The following MCM3 variants were observed in gnomAD, a reference collection of about 807,000 sequenced individuals.
MCM3 encodes minichromosome maintenance complex component 3, also known as DNA replication licensing factor MCM3.
In MCM3, 59 loss-of-function variants were observed where a neutral mutation model predicts 91.3. The ratio of observed to expected loss-of-function variants is 0.65; its 90% CI spans 0.52 to 0.80. MCM3 has a LOEUF of 0.80. MCM3 is among the 30% of genes least tolerant of loss of function. The pLI, the probability that MCM3 is intolerant of heterozygous loss-of-function variation, is 0.00. For missense variants in MCM3, 919 were observed against 1,035.4 expected (o/e 0.89, Z 1.54); for synonymous variants, 383 against 379.6 (o/e 1.01, Z -0.10).
At chr6:52,269,564 T>C (rs956287019) in intron 12 of MCM3, among the ~76,000 whole-genome samples, 1 of 152,230 alleles carries the variant, frequency 6.6e-6, no homozygotes, top group Non-Finnish European at 1.5e-5. Flanking sequence ...AGTTTGCCTT[T>C]ATATACATTC....
At chr6:52,276,820 G>C (rs909638345) in intron 8 of MCM3, among the ~76,000 whole-genome samples, 1 of 152,150 alleles carries the variant, frequency 6.6e-6, no homozygotes, top group Non-Finnish European at 1.5e-5. Context: ...TCATAAAATA[G>C]TACAATCTTC....
intron 3 of MCM3, 58 bp downstream of exon 3, chr6:52,282,595 T>C (rs1227599256): frequency 1.3e-6 from 2 of 1,549,998 alleles, no homozygotes; most frequent in African/African-American, 2.7e-5. Flanking sequence ...TTGCCTCTCC[T>C]GCTTTCCCCA....
At chr6:52,275,888 A>G (rs6458826) in intron 9 of MCM3, 101,361 of 164,260 alleles carry the variant, frequency 0.62, 31,825 homozygotes, top group Middle Eastern at 0.74. Context: ...GCAACACTTC[A>G]AAGCTGTTAT....
At chr6:52,274,554 G>A (rs1472707537) in intron 9 of MCM3, among the ~76,000 whole-genome samples, 1 of 152,010 alleles carries the variant, frequency 6.6e-6, no homozygotes, top group Non-Finnish European at 1.5e-5. Flanking sequence ...CAGGCATGGT[G>A]GTACGCATCT....
chr6:52,283,194 C>A, intron 2 of MCM3, 100 bp downstream of exon 2: 1 of 967,504 alleles, frequency 1.0e-6, no homozygotes, highest in Non-Finnish European at 1.6e-6. Context: ...GTAGATCAAT[C>A]CTGTTTCATA....
rs1764757400 is a variant in MCM3 at position 52,267,719 on chromosome 6, T to C, written c.2072+146A>G. The C allele has an allele frequency of 6.3e-6, 4 of 638,100 alleles. No individual in the cohort carries two copies. In the East Asian group the frequency reaches 1.1e-4, roughly 18 times the overall value. The allele number at this position is 638,100 out of a possible 1,614,324, so 39.5% of individuals were successfully genotyped here. A position where few individuals can be genotyped will look rare whatever the true frequency, so the allele number is the denominator to read the frequency against. Reference sequence around the variant, plus strand: ...ATTTTTCTATTTTTTGTAGAGACAGTTTTGCCATATTTCCCAGGCTGGTCT... The same window carrying C: ...ATTTTTCTATTTTTTGTAGAGACAGCTTTGCCATATTTCCCAGGCTGGTCT... On this transcript the variant is annotated intron_variant, in intron 14 of 16. Transcript: ENST00000596288.
chr6:52,282,983 T>C, intron 2 of MCM3, 122 bp from the exon 3 acceptor site: 1 of 731,180 alleles, frequency 1.4e-6, no homozygotes, highest in Non-Finnish European at 2.2e-6. Flanking sequence ...TGCTTTCTCC[T>C]ATAAGTCTCA....
At chr6:52,284,528 G>A in intron 1 of MCM3, 69 bp downstream of exon 1, 4 of 1,459,160 alleles carry the variant, frequency 2.7e-6, no homozygotes, top group South Asian at 1.2e-5. Context: ...GCGGGCCTCT[G>A]GCTTCCCGGC....
In MCM3 at chr6:52,277,692, C is replaced by CA; in HGVS notation, c.880-5dup. On this transcript the variant is annotated splice_polypyrimidine_tract_variant and splice_region_variant and intron_variant, in intron 6 of 16. Transcript: ENST00000596288. Reference sequence around the variant, plus strand: ...TGGCCAGCTGGTCAAAGATATCCTACAGGAGAAATAACCAATGGCAAGCCT... The same window carrying CA: ...TGGCCAGCTGGTCAAAGATATCCTACAAGGAGAAATAACCAATGGCAAGCCT... 1 of 1,613,222 alleles carries CA rather than the reference C, an allele frequency of 6.2e-7. No homozygotes were observed. Among genetic ancestry groups the CA allele is most frequent in the Non-Finnish European group, 8.5e-7 (1 of 1,179,570 alleles).
intron 11 of MCM3, 109 bp downstream of exon 11, chr6:52,273,121 C>A: frequency 7.7e-7 from 1 of 1,298,564 alleles, no homozygotes; most frequent in Admixed American, 1.8e-5. Context: ...TGACTCCAGG[C>A]ATGGCTTTGA....
Position 52,267,948 on chromosome 6 carries a change from T to C in MCM3, c.1989A>G (p.Lys663=), listed in dbSNP as rs753693129. Residue 663 remains lysine (K), a synonymous_variant, in exon 14 of 17, where the codon AAA becomes AAG. Coordinates refer to ENST00000596288, the MANE Select transcript of MCM3 (RefSeq NM_002388.6). ...YFKKVLEKEK[K]RKKRSEDESE... ...ATTCATCCTCACTTCGCTTCTTACG[T>C]TTCTTCTCCTTCTCCAGAACCTAAG... The C allele has an allele frequency of 6.2e-7, 1 of 1,611,950 alleles. No individual in the cohort carries two copies. The highest frequency in any genetic ancestry group is 1.1e-5 in the South Asian group (1 of 91,020).
At chr6:52,278,953 C>T in intron 5 of MCM3, 103 bp from the exon 6 acceptor site, 5 of 717,698 alleles carry the variant, frequency 7.0e-6, no homozygotes, top group Non-Finnish European at 1.1e-5. Context: ...CCAAACTAGA[C>T]CAGCCAATTA....
In MCM3 at chr6:52,282,865, T is replaced by C. The variant is rs369803290; in HGVS notation, c.192-4A>G. On this transcript the variant is annotated splice_polypyrimidine_tract_variant and splice_region_variant and intron_variant, in intron 2 of 16. Coordinates refer to ENST00000596288, the MANE Select transcript of MCM3 (RefSeq NM_002388.6). ...CTCAAAGGCATTGTTCAGAAGCCTG[T>C]ACATAAGCAAGAGAAAGAAAAATTA... The C allele has an allele frequency of 1.2e-6, 2 of 1,612,582 alleles. No homozygotes were observed. Among genetic ancestry groups the C allele is most frequent in the African/African-American group, 2.7e-5 (2 of 74,728 alleles).
At position 52,277,960 on chromosome 6, in the gene MCM3, TG is replaced by T. The variant is rs1451095557; in HGVS notation, c.880-273del. ...GTGTGCGCCTGTAATCCCAGCTACT[TG>T]GGAGGCTGAGGCAGGAGAATCACTT... On this transcript the variant is annotated intron_variant, in intron 6 of 16. Coordinates refer to ENST00000596288, the MANE Select transcript of MCM3 (RefSeq NM_002388.6). Among the ~76,000 whole-genome samples, 3 of 146,582 alleles carry T rather than the reference TG, an allele frequency of 2.0e-5. No individual in the cohort carries two copies. The Admixed American group carries it at 2.1e-4, about 10-fold the overall frequency.
intron 8 of MCM3, among the ~76,000 whole-genome samples, chr6:52,276,768 C>T (rs1035447993): frequency 6.6e-6 from 1 of 152,208 alleles, no homozygotes; most frequent in African/African-American, 2.4e-5. Flanking sequence ...CCAACTAGAC[C>T]TCTGCCTTCT....
rs200641063 is a variant in MCM3 at position 52,266,129 on chromosome 6, G to A, written c.2174C>T (p.Thr725Met). Residue 725 changes from threonine to methionine, a missense_variant, in exon 16 of 17, where the codon ACG (threonine) becomes ATG (methionine). By Grantham distance (81) the Thr-to-Met change is moderately conservative. Transcript: ENST00000596288. Reference sequence around the variant, plus strand: ...TTCCTTGGTCTCCTGTGAGTCTGCCGTCTTTGGAGTGTGTACTTCAGAGGG... The same window carrying A: ...TTCCTTGGTCTCCTGTGAGTCTGCCATCTTTGGAGTGTGTACTTCAGAGGG... ...EEMPQVHTPKTADSQETKESQ... is the reference protein window; with the variant it reads ...EEMPQVHTPKMADSQETKESQ... 42 of 1,613,930 alleles carry A rather than the reference G, an allele frequency of 2.6e-5. No individual in the cohort carries two copies. Among genetic ancestry groups the A allele is most frequent in the Middle Eastern group, 1.6e-4 (1 of 6,062 alleles).
intron 4 of MCM3, 48 bp downstream of exon 4, chr6:52,281,997 T>A (rs374150027): frequency 6.3e-7 from 1 of 1,597,008 alleles, no homozygotes; most frequent in Non-Finnish European, 8.5e-7. Context: ...AAAACAGGTA[T>A]CTTTGATTCC....
chr6:52,265,365 C>T, intron 16 of MCM3: 1 of 338,310 alleles, frequency 3.0e-6, no homozygotes, highest in South Asian at 2.2e-5. Context: ...CCAGCCTGGG[C>T]AACATGGTGA....
chr6:52,267,018 A>G (rs1764689937), intron 14 of MCM3, among the ~76,000 whole-genome samples: 1 of 150,674 alleles, frequency 6.6e-6, no homozygotes, highest in Admixed American at 6.6e-5. Context: ...TGTTCCTACT[A>G]TTTAGCATTT....
Sources: gnomAD v4.1 joint callset for allele counts (sites outside exome capture counted in the v4.1 genomes callset) on GRCh38, gnomAD v4.1.1 for gene constraint, MANE v1.5 for transcripts, NCBI Gene and HGNC (gene_info 2026-07-23, HGNC 2026-07-21) for gene names.